SNTG2: variants seen among roughly 807,000 people sequenced by gnomAD.
SNTG2 encodes the protein syntrophin gamma 2.
In SNTG2, 74 loss-of-function variants were observed where a neutral mutation model predicts 70.9. The observed-to-expected ratio is 1.04, with a 90% CI of 0.86 to 1.27. The LOEUF (loss-of-function observed/expected upper bound fraction) is 1.27. Ranked by LOEUF, SNTG2 falls within the 50% of genes most tolerant of loss-of-function variation. SNTG2 has a pLI of 0.00. For synonymous variants in SNTG2, 278 were observed against 273.8 expected, an observed-to-expected ratio of 1.02 and a Z score of -0.15; for missense variants, 717 against 690.7, an observed-to-expected ratio of 1.04 and a Z score of -0.43.
intron 14 of SNTG2, among the ~76,000 whole-genome samples, chr2:1,278,681 T>C (rs985037817): frequency 1.3e-5 from 2 of 152,176 alleles, no homozygotes; most frequent in African/African-American, 4.8e-5. Context: ...TTCTCTTTTG[T>C]CAGAACGAAG....
In SNTG2 at chr2:1,099,074, C is replaced by T. The variant is rs546364420; in HGVS notation, c.325+664C>T. 3.9e-5 allele frequency among the ~76,000 whole-genome samples: 6 copies of T among 152,314 alleles called. No homozygotes were observed. In the East Asian group the frequency reaches 1.2e-3, roughly 29 times the overall value. The stretch of plus-strand genomic sequence containing the variant: ...TTCGATTTTGGACATAATGAACCCC[C>T]TGCGGTAAACTCCATGCATCTGTCT... On this transcript the variant is annotated intron_variant, in intron 4 of 16. Coordinates refer to ENST00000308624, the MANE Select transcript of SNTG2 (RefSeq NM_018968.4).
Position 1,310,428 on chromosome 2 carries a change from T to A in SNTG2, c.1377+1842T>A, listed in dbSNP as rs899298914. Reference sequence around the variant, plus strand: ...TCTCTGTTGTGATTCTGCTAGAGGGTCTCAGCACAGGAAGATCAACTGAGT... The same window carrying A: ...TCTCTGTTGTGATTCTGCTAGAGGGACTCAGCACAGGAAGATCAACTGAGT... On this transcript the variant is annotated intron_variant, in intron 15 of 16. Transcript: ENST00000308624. 9.1e-4 allele frequency among the ~76,000 whole-genome samples: 139 copies of A among 152,030 alleles called. 1 individual carries two copies. The highest frequency in any genetic ancestry group is 1.9e-4 in the Non-Finnish European group (13 of 68,004).
chr2:1,206,081 C>G (rs763884743), intron 8 of SNTG2, among the ~76,000 whole-genome samples: 37 of 152,204 alleles, frequency 2.4e-4, no homozygotes, highest in Non-Finnish European at 4.6e-4. Context: ...TTACAAAAAG[C>G]TGACAGGTAC....
rs569304717 is a variant in SNTG2 at position 1,136,382 on chromosome 2, C to T, written c.326-1240C>T. On this transcript the variant is annotated intron_variant, in intron 4 of 16. Transcript: ENST00000308624. The stretch of plus-strand genomic sequence containing the variant: ...GGGGGGCAGTTTGAACACAGGGAGA[C>T]GGCGCAGGGGAGAAGAGCTGCCACC... Among the ~76,000 whole-genome samples, 33 of 151,346 alleles carry T rather than the reference C, an allele frequency of 2.2e-4. 2 individuals are homozygous for T. In the South Asian group the frequency reaches 4.7e-3, roughly 21 times the overall value.
intron 4 of SNTG2, among the ~76,000 whole-genome samples, chr2:1,137,416 C>T (rs1025442071): frequency 7.9e-5 from 12 of 151,882 alleles, no homozygotes; most frequent in African/African-American, 2.9e-4. Flanking sequence ...TGCATGCCAC[C>T]CACACCCACA....
intron 14 of SNTG2, among the ~76,000 whole-genome samples, chr2:1,280,085 CA>C (rs893768227): frequency 1.3e-5 from 2 of 151,832 alleles, no homozygotes; most frequent in African/African-American, 2.4e-5. Context: ...GATAAATTTT[CA>C]AAAAAATCTT....
At position 1,137,798 on chromosome 2, in the gene SNTG2, C is replaced by A. The variant is rs1449381094; in HGVS notation, c.400C>A (p.His134Asn). The A allele has an allele frequency of 2.5e-6, 4 of 1,612,416 alleles. No homozygotes were observed. Among genetic ancestry groups the A allele is most frequent in the Non-Finnish European group, 3.4e-6 (4 of 1,178,980 alleles). The change falls in exon 6 of 17, where the codon CAT becomes AAT. Residue 134 changes from histidine to asparagine, a missense_variant. By Grantham distance (68) the His-to-Asn change is moderately conservative. Coordinates refer to ENST00000308624, the MANE Select transcript of SNTG2 (RefSeq NM_018968.4). ...VNGIHVENAT[H>N]EEVVHLLRNA... Reference sequence around the variant, plus strand: ...TGGCATACATGTAGAAAATGCAACTCATGAAGAAGTGGTAAGTGAATTACA... The same window carrying A: ...TGGCATACATGTAGAAAATGCAACTAATGAAGAAGTGGTAAGTGAATTACA...
intron 6 of SNTG2, among the ~76,000 whole-genome samples, chr2:1,155,342 C>T (rs1182210723): frequency 6.6e-6 from 1 of 151,296 alleles, no homozygotes; most frequent in Non-Finnish European, 1.5e-5. Flanking sequence ...CATATGCACA[C>T]CACACACACC....
At chr2:1,204,466 C>T (rs1673500420) in intron 8 of SNTG2, among the ~76,000 whole-genome samples, 1 of 152,202 alleles carries the variant, frequency 6.6e-6, no homozygotes, top group Non-Finnish European at 1.5e-5. Context: ...TGTAGTTTTG[C>T]TTTCCTCAGT....
At chr2:988,616 G>T (rs1359444338) in intron 1 of SNTG2, among the ~76,000 whole-genome samples, 2 of 152,152 alleles carry the variant, frequency 1.3e-5, no homozygotes, top group Non-Finnish European at 1.5e-5. Context: ...GAATAAAGTG[G>T]CTGTGGGCGT....
chr2:1,364,939 A>G (rs13028567), intron 16 of SNTG2, among the ~76,000 whole-genome samples: 1 of 152,056 alleles, frequency 6.6e-6, no homozygotes, highest in Non-Finnish European at 1.5e-5. Flanking sequence ...CAAAACCCTG[A>G]AGCATGAATG....
At chr2:1,001,109 G>C (rs1659380549) in intron 1 of SNTG2, among the ~76,000 whole-genome samples, 1 of 151,886 alleles carries the variant, frequency 6.6e-6, no homozygotes, top group Non-Finnish European at 1.5e-5. Context: ...GGTATTGAAG[G>C]AACATACATA....
At chr2:1,161,946 C>T (rs373368930) in intron 6 of SNTG2, among the ~76,000 whole-genome samples, 35 of 151,986 alleles carry the variant, frequency 2.3e-4, no homozygotes, top group South Asian at 4.2e-4. Context: ...AGATGGCGGG[C>T]GCCTGTAGTC....
In SNTG2 at chr2:1,297,794, C is replaced by T. The variant is rs183469016; in HGVS notation, c.1285-10700C>T. Among the ~76,000 whole-genome samples, 493 of 152,328 alleles carry T rather than the reference C, an allele frequency of 3.2e-3. 2 individuals carry two copies. Among genetic ancestry groups the T allele is most frequent in the Non-Finnish European group, 3.9e-3 (262 of 68,022 alleles). On this transcript the variant is annotated intron_variant, in intron 14 of 16. Coordinates refer to ENST00000308624, the MANE Select transcript of SNTG2 (RefSeq NM_018968.4). Reference sequence around the variant, plus strand: ...AGGCAGGGATCTTGTCCTCGTTCCACGTTAGGACCATGTGATTTAGTCTCC... The same window carrying T: ...AGGCAGGGATCTTGTCCTCGTTCCATGTTAGGACCATGTGATTTAGTCTCC...
rs371445905 is a variant in SNTG2, at chr2:965,038, C to T, written c.72+13970C>T. On this transcript the variant is annotated intron_variant, in intron 1 of 16. Coordinates refer to ENST00000308624, the MANE Select transcript of SNTG2 (RefSeq NM_018968.4). ...GTCCCCTGTCCTTTTCCTGCACCCC[C>T]AATCTTCATCCTTGGCCCTGAATCC... is the stretch of plus-strand genomic sequence containing the variant. Among the ~76,000 whole-genome samples, 202 of 152,010 alleles carry T rather than the reference C, an allele frequency of 1.3e-3. 1 individual carries two copies. The highest frequency in any genetic ancestry group is 4.7e-3 in the African/African-American group (194 of 41,438).
intron 1 of SNTG2, among the ~76,000 whole-genome samples, chr2:961,651 G>A (rs900435906): frequency 6.6e-6 from 1 of 152,076 alleles, no homozygotes; most frequent in South Asian, 2.1e-4. Context: ...TGTTTCCTGG[G>A]ATCTCTTATG....
Position 1,156,282 on chromosome 2 carries a change from G to T in SNTG2, c.412-9266G>T, listed in dbSNP as rs535115713. Among the ~76,000 whole-genome samples, 84 of 152,292 alleles carry T rather than the reference G, an allele frequency of 5.5e-4. 1 individual carries two copies. In the South Asian group the frequency reaches 0.017, roughly 31 times the overall value. ...AAAGGGAGGGATTCCTGTGGCCTTA[G>T]ATAGATCGAGGGCAGCTCTTTTGTT... On this transcript the variant is annotated intron_variant, in intron 6 of 16. Transcript: ENST00000308624.
At position 1,083,651 on chromosome 2, in the gene SNTG2, G is replaced by A. The variant is rs1664494407; in HGVS notation, c.206G>A (p.Arg69Lys). 2.5e-6 allele frequency: 4 copies of A among 1,613,764 alleles called. No homozygotes were observed. The South Asian group carries it at 4.4e-5, about 18-fold the overall frequency. ...TGTGTGGGCGGAAGCCACCAGGGCA[G>A]GAATGTAAGTGCCATCACTTCAGGG... ...VVCVGGSHQGRNRRTVTLRRQ... is the reference protein window; with the variant it reads ...VVCVGGSHQGKNRRTVTLRRQ... The change falls in exon 2 of 17, where the codon AGG becomes AAG. Residue 69 changes from arginine (R) to lysine (K), a missense_variant. Physicochemically the swap from Arg to Lys is conservative, Grantham distance 26. Coordinates refer to ENST00000308624, the MANE Select transcript of SNTG2 (RefSeq NM_018968.4).
chr2:1,329,510 G>A (rs1437505300), intron 16 of SNTG2, among the ~76,000 whole-genome samples: 1 of 152,178 alleles, frequency 6.6e-6, no homozygotes, highest in Non-Finnish European at 1.5e-5. Flanking sequence ...GGGTGCAGCT[G>A]TATCTGTCAG....
Sources: allele counts gnomAD v4.1 joint callset (sites outside exome capture counted in the v4.1 genomes callset), GRCh38; gene constraint gnomAD v4.1.1; transcripts MANE v1.5; gene names NCBI Gene and HGNC (gene_info 2026-07-23, HGNC 2026-07-21).